Variants in PCK1 observed in about 807,000 individuals in gnomAD.
PCK1 encodes phosphoenolpyruvate carboxykinase 1, also known as phosphoenolpyruvate carboxykinase, cytosolic [GTP].
Under a neutral mutation model 50.3 loss-of-function variants are expected in PCK1, and 44 were observed. The observed-to-expected ratio is 0.87, with a 90% confidence interval of 0.69 to 1.12. The LOEUF is 1.12. PCK1 is among the 50% of genes most tolerant of loss of function. PCK1 has a pLI of 0.00. For synonymous variants in PCK1, 332 were observed against 314.3 expected (o/e 1.06, Z -0.59); for missense variants, 790 against 815.0 (o/e 0.97, Z 0.37).
chr20:57,561,274 A>C, intron 1 of PCK1, 71 bp downstream of exon 1: 4 of 619,176 alleles, frequency 6.5e-6, no homozygotes, highest in Non-Finnish European at 1.1e-5. Flanking sequence ...GAGAGCAATA[A>C]CTATTTGGCA....
Position 57,565,109 on chromosome 20 carries a change from A to C in PCK1, c.1388A>C (p.Glu463Ala), listed in dbSNP as rs376043660. 9 of 1,613,836 alleles carry C rather than the reference A, an allele frequency of 5.6e-6. No individual in the cohort carries two copies. The African/African-American group carries it at 1.1e-4, about 19-fold the overall frequency. The change falls in exon 9 of 10, where the codon GAG (glutamate) becomes GCG (alanine). Residue 463 changes from glutamate (E) to alanine (A), a missense_variant. By Grantham distance (107) the Glu-to-Ala change is moderately radical. Transcript: ENST00000319441. Reference sequence around the variant, plus strand: ...TTTGTGGGGGCGGCCATGAGATCAGAGGCCACAGCGGCTGCAGAACATAAA... The same window carrying C: ...TTTGTGGGGGCGGCCATGAGATCAGCGGCCACAGCGGCTGCAGAACATAAA... ...GVFVGAAMRS[E>A]ATAAAEHKGK... is the part of the protein sequence containing the mutation.
Position 57,567,671 on chromosome 20 carries a change from C to CT in PCK1, c.*1868dup, listed in dbSNP as rs1323143315. 1 of 152,288 alleles carries CT rather than the reference C, an allele frequency of 6.6e-6. No individual in the cohort carries two copies. The allele number at this position is 152,288 out of a possible 1,614,324, so 9.4% of individuals were successfully genotyped here. On this transcript the variant is annotated 3_prime_UTR_variant, in exon 10 of 10. Transcript: ENST00000319441. ...GGAGGGAGTCCAAAGTGCAAGCCAC[C>CT]TGGTCTCCATTTCCCCGCCCCTTGG...
Position 57,565,444 on chromosome 20 carries a change from C to A in PCK1, c.1509C>A (p.His503Gln). Residue 503 changes from histidine to glutamine, a missense_variant, in exon 10 of 10, where the codon CAC becomes CAA. Physicochemically the swap from His to Gln is conservative, Grantham distance 24. Coordinates refer to ENST00000319441, the MANE Select transcript of PCK1 (RefSeq NM_002591.4). ...CCCACTGGCTTAGCATGGCCCAGCA[C>A]CCAGCAGCCAAACTGCCCAAGATCT... ...YLAHWLSMAQ[H>Q]PAAKLPKIFH... 6.2e-7 allele frequency: 1 copy of A among 1,614,146 alleles called. No individual in the cohort carries two copies.
At chr20:57,564,742 C>A in intron 8 of PCK1, 129 bp downstream of exon 8, 1 of 842,876 alleles carries the variant, frequency 1.2e-6, no homozygotes, top group East Asian at 2.5e-5. Context: ...GCTTCCTTCC[C>A]AAAGATCCAG....
rs1396239134 is a variant in PCK1, at chr20:57,565,136, G to T, written c.1414+1G>T. Reference sequence around the variant, plus strand: ...GCCACAGCGGCTGCAGAACATAAAGGTAAATCAAAGTCCTGATCTGAAACC... The same window carrying T: ...GCCACAGCGGCTGCAGAACATAAAGTTAAATCAAAGTCCTGATCTGAAACC... On this transcript the variant is annotated splice_donor_variant, in intron 9 of 9. Coordinates refer to ENST00000319441, the MANE Select transcript of PCK1 (RefSeq NM_002591.4). LOFTEE classifies it high-confidence loss of function. 1 of 1,610,038 alleles carries T rather than the reference G, an allele frequency of 6.2e-7. No individual in the cohort carries two copies. The highest frequency in any genetic ancestry group is 1.1e-5 in the South Asian group (1 of 90,968).
At chr20:57,563,375 T>A in intron 5 of PCK1, 160 bp downstream of exon 5, 1 of 727,280 alleles carries the variant, frequency 1.4e-6, no homozygotes, top group Non-Finnish European at 2.2e-6. Flanking sequence ...CACATATACA[T>A]CGCTTTTGAA....
rs2070174237 is a variant in PCK1 at position 57,563,627 on chromosome 20, C to T, written c.861C>T (p.Ala287=). ...ACCTGGCGGCCGCATTTCCCAGCGC[C>T]TGCGGGAAGACCAACCTGGCCATGA... The part of the protein sequence containing the change: ...KKYLAAAFPS[A]CGKTNLAMMN... Residue 287 remains alanine, a synonymous_variant, in exon 6 of 10, where the codon GCC becomes GCT. Coordinates refer to ENST00000319441, the MANE Select transcript of PCK1 (RefSeq NM_002591.4). The T allele has an allele frequency of 1.2e-6, 2 of 1,613,416 alleles. No individual in the cohort carries two copies. The highest frequency in any genetic ancestry group is 4.5e-5 in the East Asian group (2 of 44,880).
intron 2 of PCK1, 130 bp downstream of exon 2, chr20:57,561,765 T>G: frequency 1.5e-6 from 1 of 667,638 alleles, no homozygotes; most frequent in Admixed American, 2.5e-5. Flanking sequence ...ATGAATGCAA[T>G]GGTCAGAACC....
In PCK1 at chr20:57,565,173, G is replaced by A. The variant is rs921694030; in HGVS notation, c.1414+38G>A. ...CCTGATCTGAAACCACAGAGAAGTG[G>A]GATTAGAGCACTCTTCGTCACTCTT... On this transcript the variant is annotated intron_variant, in intron 9 of 9. Coordinates refer to ENST00000319441, the MANE Select transcript of PCK1 (RefSeq NM_002591.4). 5.4e-6 allele frequency: 8 copies of A among 1,485,324 alleles called. No individual in the cohort carries two copies. In the African/African-American group the frequency reaches 5.5e-5, roughly 10 times the overall value. The allele number at this position is 1,485,324 out of a possible 1,614,324, so 92.0% of individuals were successfully genotyped here. A position where few individuals can be genotyped will look rare whatever the true frequency, so the allele number is the denominator to read the frequency against.
intron 5 of PCK1, 54 bp downstream of exon 5, chr20:57,563,269 A>G: frequency 6.6e-7 from 1 of 1,520,632 alleles, no homozygotes; most frequent in Non-Finnish European, 9.1e-7. Flanking sequence ...GGGTGGCAGA[A>G]ACAAACAGCA....
Position 57,561,359 on chromosome 20 carries a change from T to C in PCK1, c.-40-13T>C. 1 of 1,218,146 alleles carries C rather than the reference T, an allele frequency of 8.2e-7. No individual in the cohort carries two copies. The highest frequency in any genetic ancestry group is 2.3e-5 in the East Asian group (1 of 42,724). 75.5% of individuals were successfully genotyped at this position (1,218,146 alleles called of 1,614,324 possible). On this transcript the variant is annotated splice_polypyrimidine_tract_variant and intron_variant, in intron 1 of 9. Transcript: ENST00000319441. Reference sequence around the variant, plus strand: ...GTTGTTTTTGTTCAGGACGCTTGCGTTTTCTATTTCAGGTGACCTCACATT... The same window carrying C: ...GTTGTTTTTGTTCAGGACGCTTGCGCTTTCTATTTCAGGTGACCTCACATT...
rs373315287 is a variant in PCK1, at chr20:57,563,666, C to G, written c.900C>G (p.Leu300=). The change falls in exon 6 of 10, where the codon CTC becomes CTG. Residue 300 remains leucine (L), a synonymous_variant. Transcript: ENST00000319441. ...KTNLAMMNPS[L]PGWKVECVGD... Reference sequence around the variant, plus strand: ...ACCTGGCCATGATGAACCCCAGCCTCCCCGGGTGGAAGGTTGAGTGCGTCG... The same window carrying G: ...ACCTGGCCATGATGAACCCCAGCCTGCCCGGGTGGAAGGTTGAGTGCGTCG... The G allele has an allele frequency of 3.7e-6, 6 of 1,613,212 alleles. No homozygotes were observed. Among genetic ancestry groups the G allele is most frequent in the African/African-American group, 2.7e-5 (2 of 74,884 alleles).
At chr20:57,562,469 G>A in intron 3 of PCK1, 1 of 624,230 alleles carries the variant, frequency 1.6e-6, no homozygotes, top group Non-Finnish European at 2.8e-6. Context: ...ATGCATATGG[G>A]TTTTAAATAG....
In PCK1 at chr20:57,563,125, C is replaced by T. The variant is rs768241848; in HGVS notation, c.708C>T (p.Gly236=). Residue 236 remains glycine (G), a synonymous_variant, in exon 5 of 10, where the codon GGC becomes GGT. Coordinates refer to ENST00000319441, the MANE Select transcript of PCK1 (RefSeq NM_002591.4). ...TCATCTCCTTTGGCAGTGGGTACGG[C>T]GGGAACTCGCTGCTCGGGAAGAAGT... ...REIISFGSGY[G]GNSLLGKKCF... 5.0e-6 allele frequency: 8 copies of T among 1,613,776 alleles called. No homozygotes were observed. The highest frequency in any genetic ancestry group is 1.3e-5 in the African/African-American group (1 of 74,918).
chr20:57,564,456 C>T (rs2070183773), intron 7 of PCK1, 26 bp from the exon 8 acceptor site: 1 of 1,614,170 alleles, frequency 6.2e-7, no homozygotes, highest in Non-Finnish European at 8.5e-7. Flanking sequence ...GAGCCAGGCA[C>T]TCACGAGCCT....
Position 57,562,256 on chromosome 20 carries a change from A to T in PCK1, c.406+4A>T. On this transcript the variant is annotated splice_donor_region_variant and intron_variant, in intron 3 of 9. Coordinates refer to ENST00000319441, the MANE Select transcript of PCK1 (RefSeq NM_002591.4). ...AGGTTCCCAGGGTGCATGAAAGGTG[A>T]GCGGAACATTGATTTGATTGGGTAA... 6.2e-7 allele frequency: 1 copy of T among 1,612,194 alleles called. No homozygotes were observed. The highest frequency in any genetic ancestry group is 8.5e-7 in the Non-Finnish European group (1 of 1,178,472).
chr20:57,564,127 G>C, intron 6 of PCK1, 42 bp from the exon 7 acceptor site: 1 of 1,304,332 alleles, frequency 7.7e-7, no homozygotes, highest in East Asian at 2.3e-5. Flanking sequence ...GTTCTGCTTT[G>C]CCTGGCACTC....
intron 8 of PCK1, 129 bp downstream of exon 8, chr20:57,564,742 C>T: frequency 1.2e-6 from 1 of 842,886 alleles, no homozygotes. Context: ...GCTTCCTTCC[C>T]AAAGATCCAG....
At position 57,565,865 on chromosome 20, in the gene PCK1, G is replaced by C. The variant is rs540076610; in HGVS notation, c.*61G>C. On this transcript the variant is annotated 3_prime_UTR_variant, in exon 10 of 10. Coordinates refer to ENST00000319441, the MANE Select transcript of PCK1 (RefSeq NM_002591.4). Reference sequence around the variant, plus strand: ...CTTTCCCATCCATAAGGTGCAGTAGGAGCAAGAGAGGGCAAGTGTTCCCAA... The same window carrying C: ...CTTTCCCATCCATAAGGTGCAGTAGCAGCAAGAGAGGGCAAGTGTTCCCAA... The C allele has an allele frequency of 5.5e-6, 7 of 1,282,716 alleles. No individual in the cohort carries two copies. The African/African-American group carries it at 8.9e-5, about 16-fold the overall frequency. The allele number at this position is 1,282,716 out of a possible 1,614,324, so 79.5% of individuals were successfully genotyped here.
Sources: allele counts gnomAD v4.1 joint callset, GRCh38; gene constraint gnomAD v4.1.1; transcripts MANE v1.5; gene names NCBI Gene and HGNC (gene_info 2026-07-23, HGNC 2026-07-21).